SFMBT2: variants seen among roughly 807,000 people sequenced by gnomAD.
SFMBT2 encodes the protein scm-like with four MBT domains protein 2.
SFMBT2 carries 38 observed loss-of-function variants against 110.1 expected under a neutral mutation model. The observed-to-expected ratio is 0.35, with a 90% CI of 0.27 to 0.45. The LOEUF is 0.45. Ranked by LOEUF, SFMBT2 falls within the 20% of genes least tolerant of loss-of-function variation. The pLI is 1.00. For synonymous variants in SFMBT2, 425 were observed against 425.4 expected, an observed-to-expected ratio of 1.00 and a Z score of 0.01; for missense variants, 1,011 against 1,094.9, an observed-to-expected ratio of 0.92 and a Z score of 1.08.
chr10:7,338,791 C>A (rs1843799397), intron 4 of SFMBT2, among the ~76,000 whole-genome samples: 1 of 152,200 alleles, frequency 6.6e-6, no homozygotes, highest in Non-Finnish European at 1.5e-5. Context: ...CATCCCCATT[C>A]CCCAGCGGAC....
intron 4 of SFMBT2, chr10:7,348,294 A>G (rs1317069001): frequency 2.6e-6 from 4 of 1,529,134 alleles, no homozygotes; most frequent in African/African-American, 1.4e-5. Context: ...TTTCTAAGAA[A>G]TATGTTGAAC....
intron 4 of SFMBT2, among the ~76,000 whole-genome samples, chr10:7,330,647 G>C (rs1330803644): frequency 6.6e-6 from 1 of 152,094 alleles, no homozygotes; most frequent in Non-Finnish European, 1.5e-5. Context: ...CCAGCTCCCT[G>C]TCTCTCTCTT....
rs187712618 is a variant in SFMBT2, at chr10:7,175,145, G to A, written c.1984+845C>T. On this transcript the variant is annotated intron_variant, in intron 17 of 20. Coordinates refer to ENST00000397167, the MANE Select transcript of SFMBT2 (RefSeq NM_001387889.1). ...TTGTCACATCCCAGCTGGCTGGAAC[G>A]TGGCTGGCAGAGCTAACTTCCAGGT... Among the ~76,000 whole-genome samples the A allele has an allele frequency of 6.3e-4, 96 of 152,368 alleles. No homozygotes were observed. The South Asian group carries it at 0.011, about 18-fold the overall frequency.
intron 4 of SFMBT2, among the ~76,000 whole-genome samples, chr10:7,335,552 C>T (rs1843693624): frequency 6.7e-6 from 1 of 148,176 alleles, no homozygotes; most frequent in African/African-American, 2.5e-5. Context: ...AAAAGTAACA[C>T]CTTAAAAGAT....
intron 7 of SFMBT2, chr10:7,249,136 C>T (rs149390488): frequency 0.014 from 12,348 of 905,422 alleles, 93 homozygotes; most frequent in Non-Finnish European, 0.015. Context: ...CACAGCTCAC[C>T]GGCACGAGTA....
intron 2 of SFMBT2, among the ~76,000 whole-genome samples, chr10:7,379,431 A>T (rs12257058): frequency 0.3 from 13,984 of 46,252 alleles, 954 homozygotes; most frequent in African/African-American, 0.4. Flanking sequence ...AGATTTTAGT[A>T]AAAAAAAAAT....
intron 13 of SFMBT2, among the ~76,000 whole-genome samples, chr10:7,201,264 C>T (rs574502932): frequency 5.9e-5 from 9 of 152,232 alleles, no homozygotes; most frequent in African/African-American, 2.2e-4. Context: ...GTTAGAAATG[C>T]AGATTCTTGG....
intron 9 of SFMBT2, 74 bp from the exon 10 acceptor site, chr10:7,228,011 G>C (rs1020232649): frequency 1.1e-5 from 13 of 1,134,258 alleles, no homozygotes; most frequent in Middle Eastern, 2.0e-4. Flanking sequence ...AATCAGAAGG[G>C]GTGAAAGTTT....
chr10:7,243,513 C>A, intron 9 of SFMBT2, 45 bp downstream of exon 9: 1 of 865,508 alleles, frequency 1.2e-6, no homozygotes. Context: ...CAGTAAGACA[C>A]CCTCCTGAAT....
At position 7,356,348 on chromosome 10, in the gene SFMBT2, A is replaced by G. The variant is rs1299265082; in HGVS notation, c.436+11301T>C. 2.0e-5 allele frequency among the ~76,000 whole-genome samples: 3 copies of G among 152,162 alleles called. No individual in the cohort carries two copies. The East Asian group carries it at 5.8e-4, about 29-fold the overall frequency. On this transcript the variant is annotated intron_variant, in intron 4 of 20. Coordinates refer to ENST00000397167, the MANE Select transcript of SFMBT2 (RefSeq NM_001387889.1). ...TATAGTGATTAAGATGCAGGATTTC[A>G]AAGGAGTTCAAGGCAACCCATGATG...
At chr10:7,350,792 A>G (rs1272152307) in intron 4 of SFMBT2, among the ~76,000 whole-genome samples, 2 of 152,228 alleles carry the variant, frequency 1.3e-5, no homozygotes, top group African/African-American at 4.8e-5. Context: ...CCCTGAGGTT[A>G]GCCTTTGCTG....
chr10:7,379,693 A>G (rs1221663085), intron 2 of SFMBT2, among the ~76,000 whole-genome samples: 1 of 152,256 alleles, frequency 6.6e-6, no homozygotes, highest in Non-Finnish European at 1.5e-5. Context: ...ATTTAGAGCC[A>G]TTTAGAAATA....
At chr10:7,225,938 G>T (rs139327723) in intron 10 of SFMBT2, among the ~76,000 whole-genome samples, 1 of 152,296 alleles carries the variant, frequency 6.6e-6, no homozygotes, top group East Asian at 1.9e-4. Flanking sequence ...CATCAATACG[G>T]TGAGAAGTCA....
intron 4 of SFMBT2, among the ~76,000 whole-genome samples, chr10:7,300,193 G>C (rs1052611573): frequency 5.3e-5 from 8 of 151,800 alleles, no homozygotes; most frequent in Admixed American, 1.3e-4. Flanking sequence ...GGGGAACGGA[G>C]GAAACTTAAG....
intron 4 of SFMBT2, among the ~76,000 whole-genome samples, chr10:7,350,806 C>T (rs1238567018): frequency 6.6e-6 from 1 of 152,204 alleles, no homozygotes; most frequent in Non-Finnish European, 1.5e-5. Context: ...TTTGCTGTTG[C>T]CACCTACTTG....
intron 16 of SFMBT2, among the ~76,000 whole-genome samples, chr10:7,178,297 G>A (rs1415205548): frequency 6.6e-6 from 1 of 152,146 alleles, no homozygotes; most frequent in African/African-American, 2.4e-5. Context: ...TCTGATCTTA[G>A]AGGAAACACC....
intron 3 of SFMBT2, among the ~76,000 whole-genome samples, chr10:7,368,727 T>C (rs918583513): frequency 2.0e-5 from 3 of 152,254 alleles, no homozygotes. Context: ...TCAATGTCTC[T>C]TTCCTAAACT....
intron 4 of SFMBT2, among the ~76,000 whole-genome samples, chr10:7,286,615 T>C (rs1012079619): frequency 5.3e-5 from 8 of 152,246 alleles, no homozygotes; most frequent in African/African-American, 1.9e-4. Context: ...ATTTACATAG[T>C]ATCTACATTG....
Position 7,161,764 on chromosome 10 carries a change from T to C in SFMBT2, c.*2006A>G, listed in dbSNP as rs1244494415. On this transcript the variant is annotated 3_prime_UTR_variant, in exon 21 of 21. Transcript: ENST00000397167. ...GTTTTCCATTCTCATCTGTAACCAT[T>C]ACAGAATGTTAAGAAGGGTGAGCTT... The C allele has an allele frequency of 2.0e-5, 3 of 152,204 alleles. No individual in the cohort carries two copies. 9.4% of individuals were successfully genotyped at this position (152,204 alleles called of 1,614,324 possible).
Sources: gnomAD v4.1 joint callset for allele counts (sites outside exome capture counted in the v4.1 genomes callset) on GRCh38, gnomAD v4.1.1 for gene constraint, MANE v1.5 for transcripts, NCBI Gene and HGNC (gene_info 2026-07-23, HGNC 2026-07-21) for gene names.